Variants in STOX2 observed in about 807,000 individuals in gnomAD.
The protein encoded by STOX2 is storkhead box 2.
Under a neutral mutation model 60.9 loss-of-function variants are expected in STOX2, and 28 were observed. That is an observed-to-expected ratio of 0.46 (90% confidence interval 0.34 to 0.63). The LOEUF (loss-of-function observed/expected upper bound fraction) is 0.63. Among genes scored for constraint, STOX2 ranks in the 30% least tolerant of loss-of-function variants. STOX2 has a pLI of 0.01. For missense variants in STOX2, 1,024 were observed against 1,187.7 expected (o/e 0.86, Z 2.03); for synonymous variants, 472 against 463.9 (o/e 1.02, Z -0.22).
intron 1 of STOX2, among the ~76,000 whole-genome samples, chr4:183,994,939 A>G (rs1207022284): frequency 6.6e-6 from 1 of 152,238 alleles, no homozygotes; most frequent in Non-Finnish European, 1.5e-5. Context: ...GCTTGAAAAA[A>G]AAATTATTTA....
At chr4:183,880,274 G>A (rs57565063) in intron 1 of STOX2, among the ~76,000 whole-genome samples, 21,148 of 152,156 alleles carry the variant, frequency 0.14, 1,832 homozygotes, top group African/African-American at 0.24. Flanking sequence ...ATGAGCCACC[G>A]TACCCTGCTG....
Position 183,906,605 on chromosome 4 carries a change from G to T in STOX2, c.-186G>T. The T allele has an allele frequency of 5.1e-6, 3 of 587,322 alleles. No individual in the cohort carries two copies. The highest frequency in any genetic ancestry group is 5.9e-6 in the Non-Finnish European group (2 of 341,084). 36.4% of individuals were successfully genotyped at this position (587,322 alleles called of 1,614,324 possible). On this transcript the variant is annotated 5_prime_UTR_variant, in exon 1 of 4. Transcript: ENST00000308497. Reference sequence around the variant, plus strand: ...CGTGTGTAAAATCGGAGCCTTCGCCGTGGGGGTGTGGGGGGGCGTGGGGAG... The same window carrying T: ...CGTGTGTAAAATCGGAGCCTTCGCCTTGGGGGTGTGGGGGGGCGTGGGGAG...
At chr4:183,980,722 T>C (rs991890212) in intron 1 of STOX2, among the ~76,000 whole-genome samples, 2 of 151,836 alleles carry the variant, frequency 1.3e-5, no homozygotes, top group African/African-American at 4.8e-5. Flanking sequence ...AGAAGTATGG[T>C]GATACTTTCT....
At chr4:183,800,916 C>T (rs1182777466) in intron 1 of STOX2, among the ~76,000 whole-genome samples, 1 of 152,150 alleles carries the variant, frequency 6.6e-6, no homozygotes, top group Non-Finnish European at 1.5e-5. Flanking sequence ...ACAGGCGGGG[C>T]GAGACAGGCA....
chr4:183,999,541 C>T (rs534129014), intron 1 of STOX2, among the ~76,000 whole-genome samples: 1 of 152,232 alleles, frequency 6.6e-6, no homozygotes, highest in East Asian at 1.9e-4. Flanking sequence ...AGTGGAGCTA[C>T]AGTAGAGCTG....
chr4:184,004,317 G>A (rs1733726308), intron 2 of STOX2, among the ~76,000 whole-genome samples: 1 of 152,256 alleles, frequency 6.6e-6, no homozygotes, highest in East Asian at 1.9e-4. Flanking sequence ...AAAAATTTCT[G>A]GGTCAGGCGC....
chr4:183,877,880 G>A (rs1740868078), intron 1 of STOX2, among the ~76,000 whole-genome samples: 1 of 151,944 alleles, frequency 6.6e-6, no homozygotes, highest in South Asian at 2.1e-4. Flanking sequence ...AGTAGAGACG[G>A]GGTCTCACCC....
intron 1 of STOX2, among the ~76,000 whole-genome samples, chr4:183,892,812 G>A (rs1343274171): frequency 6.9e-6 from 1 of 145,690 alleles, no homozygotes; most frequent in Non-Finnish European, 1.5e-5. Context: ...TATCACACGA[G>A]CAACTGTTAC....
chr4:183,843,825 A>G (rs2111133854), intron 1 of STOX2, among the ~76,000 whole-genome samples: 1 of 152,344 alleles, frequency 6.6e-6, no homozygotes, highest in East Asian at 1.9e-4. Context: ...TCCATAATCC[A>G]TGTTCTTTTC....
At chr4:183,870,549 T>A (rs1426877841) in intron 1 of STOX2, among the ~76,000 whole-genome samples, 2 of 152,242 alleles carry the variant, frequency 1.3e-5, no homozygotes, top group East Asian at 1.9e-4. Flanking sequence ...ATTCTACAAA[T>A]GATGGTGGTT....
At chr4:183,982,482 A>T (rs1212882895) in intron 1 of STOX2, among the ~76,000 whole-genome samples, 1 of 152,162 alleles carries the variant, frequency 6.6e-6, no homozygotes, top group Admixed American at 6.5e-5. Flanking sequence ...TTGAGTTTTT[A>T]ATTTGTGTCT....
intron 1 of STOX2, among the ~76,000 whole-genome samples, chr4:183,857,453 A>ACAGGACTCGTTGCC (rs367716590): frequency 1.3e-5 from 2 of 150,592 alleles, no homozygotes; most frequent in East Asian, 1.9e-4. Flanking sequence ...TGGTTATCCC[A>ACAGGACTCGTTGCC]TTGAAGGCAG....
intron 1 of STOX2, among the ~76,000 whole-genome samples, chr4:183,984,022 G>T (rs1732751585): frequency 6.6e-6 from 1 of 152,104 alleles, no homozygotes; most frequent in Admixed American, 6.5e-5. Flanking sequence ...CCCCAGGCAG[G>T]CCTGCCTGCC....
chr4:183,925,733 G>A (rs1452268817), intron 1 of STOX2, among the ~76,000 whole-genome samples: 1 of 152,094 alleles, frequency 6.6e-6, no homozygotes, highest in Non-Finnish European at 1.5e-5. Context: ...GTCTAAATAA[G>A]TAAAAGATTT....
chr4:183,963,966 G>A (rs997321656), intron 1 of STOX2, among the ~76,000 whole-genome samples: 1 of 151,520 alleles, frequency 6.6e-6, no homozygotes, highest in Non-Finnish European at 1.5e-5. Context: ...TAGTAGAGAC[G>A]GGGTTTCACT....
At chr4:183,799,610 T>C (rs1234285004) in intron 1 of STOX2, among the ~76,000 whole-genome samples, 1 of 152,068 alleles carries the variant, frequency 6.6e-6, no homozygotes. Context: ...CTCCAAAAAG[T>C]ATCAATGGCA....
chr4:183,931,889 C>A (rs951024080), intron 1 of STOX2, among the ~76,000 whole-genome samples: 7 of 152,114 alleles, frequency 4.6e-5, no homozygotes, highest in African/African-American at 1.7e-4. Context: ...AGTGTTTAAT[C>A]TAGAGAGCAA....
chr4:183,968,755 G>T (rs1263065740), intron 1 of STOX2, among the ~76,000 whole-genome samples: 4 of 151,910 alleles, frequency 2.6e-5, no homozygotes, highest in African/African-American at 4.8e-5. Flanking sequence ...GGTTGCGGCA[G>T]GGGGGCGGGG....
At chr4:183,822,479 G>A (rs1309646150) in intron 1 of STOX2, among the ~76,000 whole-genome samples, 1 of 152,188 alleles carries the variant, frequency 6.6e-6, no homozygotes, top group Admixed American at 6.5e-5. Flanking sequence ...CCCTGAGCTT[G>A]TTCTCCTGCA....
Sources: allele counts gnomAD v4.1 joint callset (sites outside exome capture counted in the v4.1 genomes callset), GRCh38; gene constraint gnomAD v4.1.1; transcripts MANE v1.5; gene names NCBI Gene and HGNC (gene_info 2026-07-23, HGNC 2026-07-21).